Variants in ABCF1 observed in about 807,000 individuals in gnomAD.
ABCF1 encodes ATP-binding cassette sub-family F member 1.
ABCF1 carries 73 observed loss-of-function variants against 126.3 expected under a neutral mutation model. That is an observed-to-expected ratio of 0.58 (90% CI 0.48 to 0.70). ABCF1 has a LOEUF of 0.70. Ranked by LOEUF, ABCF1 falls within the 30% of genes least tolerant of loss-of-function variation. ABCF1 has a pLI of 0.00. For missense variants in ABCF1, 786 were observed against 1,057.5 expected, an observed-to-expected ratio of 0.74 and a Z score of 3.56; for synonymous variants, 345 against 396.4, an observed-to-expected ratio of 0.87 and a Z score of 1.54.
chr6:30,575,991 C>G lies in ABCF1; in HGVS notation c.74-1418C>G, dbSNP rs1317846039. Among the ~76,000 whole-genome samples the G allele has an allele frequency of 2.0e-5, 3 of 150,882 alleles. No individual in the cohort carries two copies. In the Admixed American group the frequency reaches 2.0e-4, roughly 10 times the overall value. On this transcript the variant is annotated intron_variant, in intron 1 of 24. Coordinates refer to ENST00000326195, the MANE Select transcript of ABCF1 (RefSeq NM_001025091.2). Reference sequence around the variant, plus strand: ...CAGGAGGCTAAAGTGGGAGGATCACCTAAGCCTAGGAATTTAAGGTTACAG... The same window carrying G: ...CAGGAGGCTAAAGTGGGAGGATCACGTAAGCCTAGGAATTTAAGGTTACAG...
At chr6:30,576,683 A>G (rs1409673401) in intron 1 of ABCF1, among the ~76,000 whole-genome samples, 2 of 151,852 alleles carry the variant, frequency 1.3e-5, no homozygotes, top group Non-Finnish European at 2.9e-5. Context: ...CAGCCTCCCC[A>G]GTGGATTTCC....
chr6:30,578,585 T>A lies in ABCF1; in HGVS notation c.489+8T>A, dbSNP rs1302637166. 2 of 1,611,560 alleles carry A rather than the reference T, an allele frequency of 1.2e-6. No homozygotes were observed. The highest frequency in any genetic ancestry group is 2.7e-5 in the African/African-American group (2 of 74,774). ...AAGAATCGGATCAATAAGGTGACAG[T>A]GGTGGCTCGATCAGTCACTCTCACT... On this transcript the variant is annotated splice_region_variant and intron_variant, in intron 6 of 24. Transcript: ENST00000326195.
At chr6:30,579,891 T>A (rs1264645994) in intron 6 of ABCF1, 40 bp from the exon 7 acceptor site, 2 of 1,591,156 alleles carry the variant, frequency 1.3e-6, no homozygotes, top group African/African-American at 2.7e-5. Flanking sequence ...GCACAATAAT[T>A]TGTATGTATG....
chr6:30,577,765 T>G, intron 2 of ABCF1, 53 bp from the exon 3 acceptor site: 3 of 1,566,352 alleles, frequency 1.9e-6, no homozygotes, highest in African/African-American at 1.3e-5. Flanking sequence ...GAGCACAGCC[T>G]GCTTGGATTG....
intron 8 of ABCF1, among the ~76,000 whole-genome samples, chr6:30,581,147 T>C (rs567015512): frequency 6.6e-6 from 1 of 152,224 alleles, no homozygotes; most frequent in African/African-American, 2.4e-5. Context: ...CCTTGGCCCA[T>C]GGGCTGTAGT....
In ABCF1 at chr6:30,589,928, C is replaced by T. The variant is rs750617825; in HGVS notation, c.2187C>T (p.Phe729=). The change falls in exon 22 of 25, where the codon TTC becomes TTT. Residue 729 remains phenylalanine (F), a synonymous_variant. Coordinates refer to ENST00000326195, the MANE Select transcript of ABCF1 (RefSeq NM_001025091.2). ...ATGCCCGCAAGTGCCTGGGCCGCTT[C>T]GGCCTGGAGAGTCACGCCCACACCA... is the stretch of plus-strand genomic sequence containing the variant. ...YQDARKCLGR[F]GLESHAHTIQ... is the part of the protein sequence containing the mutation. 5.6e-6 allele frequency: 9 copies of T among 1,613,964 alleles called. No homozygotes were observed. Among genetic ancestry groups the T allele is most frequent in the Admixed American group, 5.0e-5 (3 of 60,010 alleles).
At chr6:30,578,016 AG>A in intron 3 of ABCF1, 59 bp from the exon 4 acceptor site, 3 of 1,613,800 alleles carry the variant, frequency 1.9e-6, no homozygotes, top group South Asian at 2.2e-5. Flanking sequence ...ACCCTCTGTG[AG>A]GCAGAAATAC....
In ABCF1 at chr6:30,580,559, A is replaced by T. The variant is rs531180009; in HGVS notation, c.678+40A>T. 13 of 1,216,318 alleles carry T rather than the reference A, an allele frequency of 1.1e-5. 1 individual carries two copies. Among genetic ancestry groups the T allele is most frequent in the Middle Eastern group, 2.0e-4 (1 of 4,946 alleles). The allele number at this position is 1,216,318 out of a possible 1,614,324, so 75.3% of individuals were successfully genotyped here. A position where few individuals can be genotyped will look rare whatever the true frequency, so the allele number is the denominator to read the frequency against. On this transcript the variant is annotated intron_variant, in intron 8 of 24. Transcript: ENST00000326195. ...TTGGGGCAAGGTGGAATGAGGGACT[A>T]GGGCTTCCAGGGTCCTTATGGGAGA...
At position 30,590,692 on chromosome 6, in the gene ABCF1, C is replaced by A; in HGVS notation, c.2529C>A (p.Pro843=). ...TGGGTGAAGTCATGGTCAGCCGGCCCCGAGAGTGAGCTTTCCTTCCCAGAA... is the reference window on the plus strand; with the variant it reads ...TGGGTGAAGTCATGGTCAGCCGGCCACGAGAGTGAGCTTTCCTTCCCAGAA... ...EALGEVMVSR[P]RE Residue 843 remains proline (P), a synonymous_variant, in exon 25 of 25, where the codon CCC becomes CCA. Transcript: ENST00000326195. 6.5e-7 allele frequency: 1 copy of A among 1,535,484 alleles called. No individual in the cohort carries two copies.
chr6:30,586,141 A>G lies in ABCF1; in HGVS notation c.1721A>G (p.Gln574Arg), dbSNP rs1296309582. ...GGKSTKQAEKQTKEALTRKQQ... is the reference protein window; with the variant it reads ...GGKSTKQAEKRTKEALTRKQQ... ...TTTCCTCTTCCTCTCCAGGAAAAAC[A>G]AACGAAGGAAGCCCTGACTCGGAAG... The change falls in exon 18 of 25, where the codon CAA (glutamine) becomes CGA (arginine). Residue 574 changes from glutamine (Q) to arginine (R), a missense_variant. Gln to Arg is a conservative substitution (Grantham distance 43). This residue lies in a region of ABCF1 where 288 missense variants were observed against 423.5 expected (regional missense o/e 0.68). Transcript: ENST00000326195. This position sits in a 1 kb window ranked among gnomAD's most constrained non-coding sequence, Gnocchi z 4.9. 6.2e-7 allele frequency: 1 copy of G among 1,611,006 alleles called. No individual in the cohort carries two copies. The highest frequency in any genetic ancestry group is 1.3e-5 in the African/African-American group (1 of 74,614).
intron 1 of ABCF1, among the ~76,000 whole-genome samples, chr6:30,573,448 C>T (rs1801354880): frequency 6.6e-6 from 1 of 152,170 alleles, no homozygotes; most frequent in Non-Finnish European, 1.5e-5. Context: ...GGAGTAAAGA[C>T]ACAGGCAAGT....
At position 30,586,797 on chromosome 6, in the gene ABCF1, G is replaced by A. The variant is rs966003203; in HGVS notation, c.2031+86G>A. The A allele has an allele frequency of 2.9e-6, 4 of 1,399,930 alleles. No homozygotes were observed. The highest frequency in any genetic ancestry group is 2.3e-5 in the East Asian group (1 of 42,626). 86.7% of individuals were successfully genotyped at this position (1,399,930 alleles called of 1,614,324 possible). Reference sequence around the variant, plus strand: ...AGAAGCTGGAATCAGGGAGCCTCTCGAGAATGTAGAGTTAAATACAGAACT... The same window carrying A: ...AGAAGCTGGAATCAGGGAGCCTCTCAAGAATGTAGAGTTAAATACAGAACT... On this transcript the variant is annotated intron_variant, in intron 20 of 24. Transcript: ENST00000326195. This position sits in a 1 kb window ranked among gnomAD's most constrained non-coding sequence, Gnocchi z 4.9.
chr6:30,571,958 G>C (rs1269121115), intron 1 of ABCF1, among the ~76,000 whole-genome samples: 2 of 152,052 alleles, frequency 1.3e-5, no homozygotes, highest in Non-Finnish European at 2.9e-5. Flanking sequence ...TTGGGAGCCT[G>C]TGATCCCCCT....
rs764659569 is a variant in ABCF1 at position 30,589,905 on chromosome 6, G to T, written c.2164G>T (p.Ala722Ser). 5.0e-6 allele frequency: 8 copies of T among 1,614,174 alleles called. No individual in the cohort carries two copies. The highest frequency in any genetic ancestry group is 6.8e-6 in the Non-Finnish European group (8 of 1,180,042). Residue 722 changes from alanine (A) to serine (S), a missense_variant, in exon 22 of 25, where the codon GCC (alanine) becomes TCC (serine). Ala to Ser is a moderately conservative substitution (Grantham distance 99). Around this residue, in one of 4 missense-constraint regions of ABCF1, gnomAD observed 288 missense variants for 423.5 expected, o/e 0.68. Transcript: ENST00000326195. ...QRGFNLPYQDARKCLGRFGLE... is the reference protein window; with the variant it reads ...QRGFNLPYQDSRKCLGRFGLE... ...GGGCTTCAACCTGCCCTACCAGGATGCCCGCAAGTGCCTGGGCCGCTTCGG... is the reference window on the plus strand; with the variant it reads ...GGGCTTCAACCTGCCCTACCAGGATTCCCGCAAGTGCCTGGGCCGCTTCGG...
At chr6:30,579,825 C>T in intron 6 of ABCF1, 106 bp from the exon 7 acceptor site, 2 of 1,017,048 alleles carry the variant, frequency 2.0e-6, no homozygotes, top group African/African-American at 1.7e-5. Context: ...AATGGAGGAG[C>T]ATGTGTATGG....
chr6:30,577,567 A>G (rs2127406076), intron 2 of ABCF1, 112 bp downstream of exon 2: 1 of 1,338,062 alleles, frequency 7.5e-7, no homozygotes, highest in East Asian at 2.4e-5. Context: ...TCTTGTCAAG[A>G]GAGGAGATAG....
intron 20 of ABCF1, among the ~76,000 whole-genome samples, chr6:30,587,240 A>G (rs1278286802): frequency 9.1e-6 from 1 of 110,042 alleles, no homozygotes; most frequent in African/African-American, 3.8e-5. Context: ...ACAGAGCGAG[A>G]CTCCATCTCA....
rs375112685 is a variant in ABCF1, at chr6:30,583,754, A to G, written c.1016+46A>G. ...GAGGCAAAAAAGGGCCTGGAGGGAA[A>G]AGAAGAGATTTCTCAGTGGTGGCCA... On this transcript the variant is annotated intron_variant, in intron 11 of 24. Transcript: ENST00000326195. The surrounding 1 kb of genome is among the most constrained non-coding windows in gnomAD (Gnocchi z 4.1). The G allele has an allele frequency of 1.3e-5, 21 of 1,613,714 alleles. No homozygotes were observed. Among genetic ancestry groups the G allele is most frequent in the Middle Eastern group, 3.3e-4 (2 of 6,058 alleles).
chr6:30,577,298 A>T, intron 1 of ABCF1, 111 bp from the exon 2 acceptor site: 1 of 967,836 alleles, frequency 1.0e-6, no homozygotes, highest in Non-Finnish European at 1.5e-6. Context: ...AGTGATAGTT[A>T]AGCTAGAAAA....
Sources: allele counts gnomAD v4.1 joint callset (sites outside exome capture counted in the v4.1 genomes callset), GRCh38; gene constraint gnomAD v4.1.1; regional missense constraint gnomAD v4.1.1; non-coding constraint Gnocchi (gnomAD v3.1); transcripts MANE v1.5; gene names NCBI Gene and HGNC (gene_info 2026-07-23, HGNC 2026-07-21).